SASH1: variants seen among roughly 807,000 people sequenced by gnomAD.
The protein encoded by SASH1 is SAM and SH3 domain-containing protein 1.
Under a neutral mutation model 125.2 loss-of-function variants are expected in SASH1, and 44 were observed. The observed-to-expected ratio is 0.35, with a 90% CI of 0.28 to 0.45. The LOEUF (loss-of-function observed/expected upper bound fraction) is 0.45. Among genes scored for constraint, SASH1 ranks in the 20% least tolerant of loss-of-function variants. The pLI is 1.00. For synonymous variants in SASH1, 639 were observed against 649.1 expected, an observed-to-expected ratio of 0.98 and a Z score of 0.24; for missense variants, 1,426 against 1,614.5, an observed-to-expected ratio of 0.88 and a Z score of 2.00.
At chr6:148,321,928 A>G (rs1780642400) in intron 1 of SASH1, among the ~76,000 whole-genome samples, 1 of 152,166 alleles carries the variant, frequency 6.6e-6, no homozygotes, top group Non-Finnish European at 1.5e-5. Flanking sequence ...CTATGTGTAA[A>G]TTTTTAACTT....
At chr6:148,197,859 T>A in the SASH1 span, among the ~76,000 whole-genome samples, 1 of 152,244 alleles carries the variant, frequency 6.6e-6, no homozygotes, top group East Asian at 1.9e-4. Context: ...TTTGTTTTTG[T>A]TTTGTTTTGA....
At chr6:148,339,272 G>A (rs1305047501), upstream of SASH1, among the ~76,000 whole-genome samples, 1 of 151,910 alleles carries the variant, frequency 6.6e-6, no homozygotes, top group Middle Eastern at 3.2e-3. Flanking sequence ...TCAAACTGCT[G>A]ACCTCAGATG....
At chr6:148,459,017 CACACA>C (rs1562428798) in intron 4 of SASH1, among the ~76,000 whole-genome samples, 1 of 150,382 alleles carries the variant, frequency 6.6e-6, no homozygotes, top group East Asian at 2.0e-4. Context: ...CACACACACA[CACACA>C]CCCTCTAGCA....
chr6:148,349,252 C>CTTTTTTTTTTTTTTTTTTTTTTTT (rs11317386), intron 1 of SASH1, among the ~76,000 whole-genome samples: 3 of 47,022 alleles, frequency 6.4e-5, no homozygotes, highest in African/African-American at 2.6e-4. Context: ...TTCTTTCTTT[C>CTTTTTTTTTTTTTTTTTTTTTTTT]TTTTTTTTTT....
chr6:148,224,424 G>A, the SASH1 span, among the ~76,000 whole-genome samples: 2 of 151,916 alleles, frequency 1.3e-5, no homozygotes, highest in African/African-American at 4.8e-5. Flanking sequence ...GCAGTGGTGC[G>A]ATCTTGGCTC....
At chr6:148,537,337 A>G (rs1008160562) in intron 16 of SASH1, among the ~76,000 whole-genome samples, 2 of 152,246 alleles carry the variant, frequency 1.3e-5, no homozygotes, top group Non-Finnish European at 2.9e-5. Context: ...TCTAATTGTC[A>G]GATGGCTATT....
chr6:148,462,063 ACT>A (rs942549700), intron 4 of SASH1, among the ~76,000 whole-genome samples: 3 of 152,066 alleles, frequency 2.0e-5, no homozygotes, highest in Non-Finnish European at 4.4e-5. Context: ...AAAGGCTGCT[ACT>A]GGCTTTCGGG....
intron 1 of SASH1, among the ~76,000 whole-genome samples, chr6:148,290,918 G>A (rs1184419807): frequency 1.3e-5 from 2 of 148,788 alleles, no homozygotes; most frequent in African/African-American, 4.9e-5. Flanking sequence ...AAAAAGAAAA[G>A]GTTCTTTAAA....
At chr6:148,271,529 CTTTTG>C (rs746089703), upstream of SASH1, among the ~76,000 whole-genome samples, 16 of 151,846 alleles carry the variant, frequency 1.1e-4, no homozygotes, top group South Asian at 2.1e-4. Context: ...CTGTATAAAA[CTTTTG>C]TTTTATTTTA....
At chr6:148,489,266 A>G (rs1046218375) in intron 8 of SASH1, among the ~76,000 whole-genome samples, 2 of 152,130 alleles carry the variant, frequency 1.3e-5, no homozygotes, top group African/African-American at 4.8e-5. Context: ...CTTTTTGAAA[A>G]TTGATTGATC....
chr6:148,309,056 T>A (rs1456282798), intron 1 of SASH1, among the ~76,000 whole-genome samples: 1 of 136,446 alleles, frequency 7.3e-6, no homozygotes, highest in Non-Finnish European at 1.5e-5. Flanking sequence ...TGCACTCCAA[T>A]TTGGGTGACA....
the SASH1 span, among the ~76,000 whole-genome samples, chr6:148,230,421 T>C: frequency 6.6e-6 from 1 of 152,054 alleles, no homozygotes; most frequent in South Asian, 2.1e-4. Flanking sequence ...CAGATGAGCC[T>C]CCTGCCTCAG....
chr6:148,317,717 G>A lies in SASH1; in HGVS notation n.74+45340G>A, dbSNP rs143865539. 5.1e-3 allele frequency among the ~76,000 whole-genome samples: 770 copies of A among 152,198 alleles called. 4 individuals carry two copies. The highest frequency in any genetic ancestry group is 0.017 in the African/African-American group (714 of 41,522). The stretch of plus-strand genomic sequence containing the variant: ...TGGGATTACAGTCGTGAGCCACGGC[G>A]CCCGGCCAAGGAAAAAAATTTTTAA... On this transcript the variant is annotated intron_variant and non_coding_transcript_variant, in intron 1 of 3. Coordinates refer to the SASH1 transcript ENST00000367469.
chr6:148,265,141 A>G, the SASH1 span, among the ~76,000 whole-genome samples: 1 of 152,200 alleles, frequency 6.6e-6, no homozygotes, highest in Non-Finnish European at 1.5e-5. Flanking sequence ...ACAAAATGAC[A>G]GTCTTAGAAA....
At chr6:148,526,965 C>G (rs146897907) in intron 11 of SASH1, among the ~76,000 whole-genome samples, 1 of 151,678 alleles carries the variant, frequency 6.6e-6, no homozygotes, top group South Asian at 2.1e-4. Context: ...CTCCACCTCC[C>G]GGATTCACAC....
intron 1 of SASH1, among the ~76,000 whole-genome samples, chr6:148,336,333 G>A (rs1299568414): frequency 1.3e-5 from 2 of 151,598 alleles, no homozygotes; most frequent in Non-Finnish European, 2.9e-5. Flanking sequence ...CTGCCTCCAC[G>A]CCCATTAAAT....
intron 1 of SASH1, among the ~76,000 whole-genome samples, chr6:148,345,882 G>T (rs772172412): frequency 6.6e-6 from 1 of 152,176 alleles, no homozygotes; most frequent in Non-Finnish European, 1.5e-5. Context: ...ACTCTCAGAT[G>T]AATTCAGTAG....
chr6:148,491,362 T>G (rs570169744), intron 8 of SASH1, among the ~76,000 whole-genome samples: 4 of 152,288 alleles, frequency 2.6e-5, no homozygotes, highest in Admixed American at 2.6e-4. Context: ...TTCTGCCTCC[T>G]GGGTTCAAGC....
rs74834512 is a variant in SASH1 at position 148,522,098 on chromosome 6, G to A, written c.1209+2205G>A. On this transcript the variant is annotated intron_variant, in intron 10 of 19. Coordinates refer to ENST00000367467, the MANE Select transcript of SASH1 (RefSeq NM_015278.5). Reference sequence around the variant, plus strand: ...TTGGGCAAGCTCATCTCCAGGCACCGCCCCCACCTAACGTGCTCCTGTGTA... The same window carrying A: ...TTGGGCAAGCTCATCTCCAGGCACCACCCCCACCTAACGTGCTCCTGTGTA... Among the ~76,000 whole-genome samples, 170 of 152,250 alleles carry A rather than the reference G, an allele frequency of 1.1e-3. 1 individual carries two copies. Among genetic ancestry groups the A allele is most frequent in the East Asian group, 5.2e-3 (27 of 5,192 alleles).
Sources: gnomAD v4.1 joint callset for allele counts (sites outside exome capture counted in the v4.1 genomes callset) on GRCh38, gnomAD v4.1.1 for gene constraint, MANE v1.5 for transcripts, NCBI Gene and HGNC (gene_info 2026-07-23, HGNC 2026-07-21) for gene names.